Variants in ABHD2 observed in about 807,000 individuals in gnomAD.
ABHD2 encodes monoacylglycerol lipase ABHD2.
Under a neutral mutation model 48.1 loss-of-function variants are expected in ABHD2, and 20 were observed. The observed-to-expected ratio is 0.42, with a 90% confidence interval of 0.29 to 0.60. ABHD2 has a LOEUF of 0.60. ABHD2 is among the 20% of genes least tolerant of loss of function. The pLI is 0.24. For missense variants in ABHD2, 405 were observed against 550.9 expected, an observed-to-expected ratio of 0.74 and a Z score of 2.65; for synonymous variants, 209 against 214.2, an observed-to-expected ratio of 0.98 and a Z score of 0.21.
At chr15:89,141,277 A>T (rs965198542) in intron 3 of ABHD2, among the ~76,000 whole-genome samples, 10 of 152,128 alleles carry the variant, frequency 6.6e-5, no homozygotes, top group Non-Finnish European at 1.5e-4. Context: ...CACCACACCC[A>T]GCCTGACAGT....
At chr15:89,193,570 T>C in intron 10 of ABHD2, 1 of 516,274 alleles carries the variant, frequency 1.9e-6, no homozygotes, top group Non-Finnish European at 3.5e-6. Flanking sequence ...CAGTAGGGCT[T>C]TGGGGAGTCA....
In ABHD2 at chr15:89,146,394, G is replaced by C. The variant is rs1550475; in HGVS notation, c.195-5283G>C. Among the ~76,000 whole-genome samples the C allele has an allele frequency of 2.2e-5, 3 of 139,194 alleles. No homozygotes were observed. In the East Asian group the frequency reaches 6.8e-4, roughly 31 times the overall value. The allele number at this position is 139,194 out of a possible 152,430, so 91.3% of individuals were successfully genotyped here. On this transcript the variant is annotated intron_variant, in intron 3 of 10. Transcript: ENST00000352732. This position sits in a 1 kb window ranked among gnomAD's most constrained non-coding sequence, Gnocchi z 4.2. The stretch of plus-strand genomic sequence containing the variant: ...TGTGTGTGTGTGTGTGTGTGTGTGT[G>C]TGTGTACGTATGTATATGGGGGGTG...
chr15:89,140,839 T>C (rs1271051557), intron 3 of ABHD2, among the ~76,000 whole-genome samples: 1 of 152,216 alleles, frequency 6.6e-6, no homozygotes, highest in Non-Finnish European at 1.5e-5. Context: ...ACCAGTGCCA[T>C]CTGTGCTTAT....
rs968606169 is a variant in ABHD2 at position 89,201,194 on chromosome 15, G to A, written c.*5771G>A. On this transcript the variant is annotated 3_prime_UTR_variant, in exon 11 of 11. Coordinates refer to ENST00000352732, the MANE Select transcript of ABHD2 (RefSeq NM_152924.5). ...AGTTGAGGTTGATCCAGGTTTATCC[G>A]AATATGCTACCTTTCTGAGCCTTAA... is the stretch of plus-strand genomic sequence containing the variant. 2.0e-5 allele frequency: 29 copies of A among 1,475,422 alleles called. No homozygotes were observed. The highest frequency in any genetic ancestry group is 1.7e-4 in the Middle Eastern group (1 of 5,814). The allele number at this position is 1,475,422 out of a possible 1,614,324, so 91.4% of individuals were successfully genotyped here. A position where few individuals can be genotyped will look rare whatever the true frequency, so the allele number is the denominator to read the frequency against.
chr15:89,126,096 G>T (rs139402783), intron 3 of ABHD2, among the ~76,000 whole-genome samples: 1 of 152,116 alleles, frequency 6.6e-6, no homozygotes, highest in Non-Finnish European at 1.5e-5. Context: ...TCATACCTGA[G>T]TTTACTCTTC....
intron 3 of ABHD2, among the ~76,000 whole-genome samples, chr15:89,142,764 G>T (rs144610394): frequency 1.2e-4 from 18 of 152,136 alleles, no homozygotes; most frequent in African/African-American, 4.1e-4. Context: ...AGCTCATATC[G>T]TCACATTTAT....
rs1311132333 is a variant in ABHD2, at chr15:89,120,912, G to A, written c.194+4391G>A. ...TAATATGTGGGCAATCATCCCTGTGGTTTTCCTTCTCCTTATACTTGCCCC... is the reference window on the plus strand; with the variant it reads ...TAATATGTGGGCAATCATCCCTGTGATTTTCCTTCTCCTTATACTTGCCCC... On this transcript the variant is annotated intron_variant, in intron 3 of 10. Coordinates refer to ENST00000352732, the MANE Select transcript of ABHD2 (RefSeq NM_152924.5). The surrounding 1 kb of genome is among the most constrained non-coding windows in gnomAD (Gnocchi z 4.2). 3 of 152,182 alleles carry A rather than the reference G, an allele frequency of 2.0e-5. No homozygotes were observed. The highest frequency in any genetic ancestry group is 6.5e-5 in the Admixed American group (1 of 15,274). 9.4% of individuals were successfully genotyped at this position (152,182 alleles called of 1,614,324 possible).
chr15:89,079,210 C>T, the ABHD2 span, among the ~76,000 whole-genome samples: 191 of 152,354 alleles, frequency 1.3e-3, 1 homozygote, highest in African/African-American at 3.9e-3. The surrounding 1 kb of genome is among the most constrained non-coding windows in gnomAD (Gnocchi z 4.3). Flanking sequence ...GACTGTTCCT[C>T]TACCCGCCCC....
At chr15:89,086,680 G>A (rs918967258), upstream of ABHD2, among the ~76,000 whole-genome samples, 1 of 152,238 alleles carries the variant, frequency 6.6e-6, no homozygotes, top group African/African-American at 2.4e-5. Flanking sequence ...TGGATTACAG[G>A]CGTGAGCCAC....
chr15:89,060,799 AT>A, the ABHD2 span, among the ~76,000 whole-genome samples: 5 of 152,208 alleles, frequency 3.3e-5, no homozygotes, highest in East Asian at 7.7e-4. Context: ...AACTATTAAT[AT>A]TTTTTAAATA....
At position 89,116,581 on chromosome 15, in the gene ABHD2, G is replaced by T; in HGVS notation, c.194+60G>T. The stretch of plus-strand genomic sequence containing the variant: ...GCTGATGTATTTGGCTTTGTGTGAT[G>T]TTCAAAGAAGAAACTTCTCTCATCG... On this transcript the variant is annotated intron_variant, in intron 3 of 10. Coordinates refer to ENST00000352732, the MANE Select transcript of ABHD2 (RefSeq NM_152924.5). This position sits in a 1 kb window ranked among gnomAD's most constrained non-coding sequence, Gnocchi z 4.6. The T allele has an allele frequency of 6.5e-7, 1 of 1,531,138 alleles. No homozygotes were observed. Among genetic ancestry groups the T allele is most frequent in the South Asian group, 1.2e-5 (1 of 81,024 alleles). The allele number at this position is 1,531,138 out of a possible 1,614,324, so 94.8% of individuals were successfully genotyped here.
At position 89,116,356 on chromosome 15, in the gene ABHD2, T is replaced by C. The variant is rs1407815691; in HGVS notation, c.29T>C (p.Leu10Pro). 1 of 1,614,128 alleles carries C rather than the reference T, an allele frequency of 6.2e-7. No homozygotes were observed. The highest frequency in any genetic ancestry group is 8.5e-7 in the Non-Finnish European group (1 of 1,180,018). The change falls in exon 3 of 11, where the codon CTC (leucine) becomes CCC (proline). Residue 10 changes from leucine to proline, a missense_variant. Leu to Pro is a moderately conservative substitution (Grantham distance 98, BLOSUM62 -3). Transcript: ENST00000352732. The surrounding 1 kb of genome is among the most constrained non-coding windows in gnomAD (Gnocchi z 4.6). Reference sequence around the variant, plus strand: ...AATGCCATGCTGGAGACTCCCGAACTCCCAGCCGTGTTTGATGGAGTGAAG... The same window carrying C: ...AATGCCATGCTGGAGACTCCCGAACCCCCAGCCGTGTTTGATGGAGTGAAG... MNAMLETPE[L>P]PAVFDGVKLA...
In ABHD2 at chr15:89,120,296, AT is replaced by A. The variant is rs375527323; in HGVS notation, c.194+3777del. Among the ~76,000 whole-genome samples, 6 of 152,116 alleles carry A rather than the reference AT, an allele frequency of 3.9e-5. No homozygotes were observed. Among genetic ancestry groups the A allele is most frequent in the African/African-American group, 1.2e-4 (5 of 41,412 alleles). ...GAAACAGATCAATATTTACCTAGTG[AT>A]TCATTTTTTGTTCTCATGAAGTGTT... On this transcript the variant is annotated intron_variant, in intron 3 of 10. Coordinates refer to ENST00000352732, the MANE Select transcript of ABHD2 (RefSeq NM_152924.5). This position sits in a 1 kb window ranked among gnomAD's most constrained non-coding sequence, Gnocchi z 4.2.
chr15:89,074,258 C>G, the ABHD2 span, among the ~76,000 whole-genome samples: 1 of 152,106 alleles, frequency 6.6e-6, no homozygotes, highest in African/African-American at 2.4e-5. Flanking sequence ...CTCCTGTAAT[C>G]CCAGCTACTC....
chr15:89,052,069 A>G, the ABHD2 span, among the ~76,000 whole-genome samples: 4 of 152,202 alleles, frequency 2.6e-5, no homozygotes, highest in African/African-American at 4.8e-5. Context: ...GAACAATACC[A>G]TACATGGAGG....
At chr15:89,070,928 C>G in the ABHD2 span, among the ~76,000 whole-genome samples, 31,703 of 151,808 alleles carry the variant, frequency 0.21, 4,203 homozygotes, top group African/African-American at 0.36. Context: ...CCGGAAGGGC[C>G]TTCCTTTTCT....
intron 3 of ABHD2, among the ~76,000 whole-genome samples, chr15:89,131,699 T>C (rs2050222185): frequency 6.6e-6 from 1 of 152,158 alleles, no homozygotes. Context: ...GAATACAACA[T>C]ATGACTTCTT....
Position 89,182,940 on chromosome 15 carries a change from T to C in ABHD2, c.723-2484T>C, listed in dbSNP as rs572413154. On this transcript the variant is annotated intron_variant, in intron 6 of 10. Coordinates refer to ENST00000352732, the MANE Select transcript of ABHD2 (RefSeq NM_152924.5). This position sits in a 1 kb window ranked among gnomAD's most constrained non-coding sequence, Gnocchi z 4.8. ...GTAGCCACTACCAGCTCCAATAACA[T>C]GAATTCATACCCCCATCTTGTTTCC... Among the ~76,000 whole-genome samples, 1 of 152,172 alleles carries C rather than the reference T, an allele frequency of 6.6e-6. No homozygotes were observed. Among genetic ancestry groups the C allele is most frequent in the Non-Finnish European group, 1.5e-5 (1 of 68,024 alleles).
At position 89,193,145 on chromosome 15, in the gene ABHD2, A is replaced by G. The variant is rs141488478; in HGVS notation, c.997-90A>G. The G allele has an allele frequency of 5.9e-5, 77 of 1,299,152 alleles. No homozygotes were observed. In the East Asian group the frequency reaches 1.6e-3, roughly 27 times the overall value. The allele number at this position is 1,299,152 out of a possible 1,614,324, so 80.5% of individuals were successfully genotyped here. A position where few individuals can be genotyped will look rare whatever the true frequency, so the allele number is the denominator to read the frequency against. ...GTGACCCTCTTCCCTTTGCTTCAAA[A>G]ACATGTCCAGCAGTGAGTTTGAGCC... On this transcript the variant is annotated intron_variant, in intron 9 of 10. Coordinates refer to ENST00000352732, the MANE Select transcript of ABHD2 (RefSeq NM_152924.5).
Sources: allele counts gnomAD v4.1 joint callset (sites outside exome capture counted in the v4.1 genomes callset), GRCh38; gene constraint gnomAD v4.1.1; non-coding constraint Gnocchi (gnomAD v3.1); transcripts MANE v1.5; gene names NCBI Gene and HGNC (gene_info 2026-07-23, HGNC 2026-07-21).